SEMA5A: variants seen among roughly 807,000 people sequenced by gnomAD.
The protein encoded by SEMA5A is semaphorin 5A.
A neutral mutation model predicts 135.5 loss-of-function variants in SEMA5A; 55 were observed. The ratio of observed to expected loss-of-function variants is 0.41; its 90% CI spans 0.33 to 0.51. SEMA5A has a LOEUF of 0.51. Among genes scored for constraint, SEMA5A ranks in the 20% least tolerant of loss-of-function variants. The pLI, the probability that SEMA5A is intolerant of heterozygous loss-of-function variation, is 0.37. For synonymous variants in SEMA5A, 580 were observed against 546.5 expected, an observed-to-expected ratio of 1.06 and a Z score of -0.85; for missense variants, 1,290 against 1,419.9, an observed-to-expected ratio of 0.91 and a Z score of 1.47.
chr5:9,496,113 C>T (rs1226737784), intron 1 of SEMA5A, among the ~76,000 whole-genome samples: 3 of 152,168 alleles, frequency 2.0e-5, no homozygotes, highest in Non-Finnish European at 2.9e-5. Context: ...GGCATGATCT[C>T]GGCTCACTGT....
At chr5:9,259,729 A>G (rs1749298334) in intron 5 of SEMA5A, among the ~76,000 whole-genome samples, 1 of 128,052 alleles carries the variant, frequency 7.8e-6, no homozygotes, top group Non-Finnish European at 1.6e-5. Context: ...AATCTCTGGG[A>G]CGCATTCAAA....
chr5:9,324,836 C>T (rs553485197), intron 4 of SEMA5A, among the ~76,000 whole-genome samples: 2 of 152,260 alleles, frequency 1.3e-5, no homozygotes, highest in South Asian at 4.2e-4. Flanking sequence ...ATGAGAAAGG[C>T]CACCAGCCTT....
At chr5:9,181,970 T>C (rs1387595036) in intron 11 of SEMA5A, among the ~76,000 whole-genome samples, 2 of 151,590 alleles carry the variant, frequency 1.3e-5, no homozygotes, top group African/African-American at 4.9e-5. Context: ...CTCACCCCAA[T>C]CTCTCTGCAC....
chr5:9,075,627 G>T (rs887365396), intron 16 of SEMA5A, among the ~76,000 whole-genome samples: 1 of 151,398 alleles, frequency 6.6e-6, no homozygotes, highest in Non-Finnish European at 1.5e-5. Context: ...CTAATGCATA[G>T]AGACAGAAAG....
chr5:9,079,756 C>G (rs1201482621), intron 16 of SEMA5A, among the ~76,000 whole-genome samples: 2 of 152,008 alleles, frequency 1.3e-5, no homozygotes, highest in African/African-American at 4.8e-5. Flanking sequence ...AGATACTTCT[C>G]AAAAGAAGAC....
intron 8 of SEMA5A, among the ~76,000 whole-genome samples, chr5:9,219,976 T>C (rs748055616): frequency 2.0e-5 from 3 of 151,126 alleles, no homozygotes; most frequent in Non-Finnish European, 3.0e-5. Flanking sequence ...AATTTTGGAA[T>C]AGAAAAAAAA....
At chr5:9,148,666 C>T (rs1489847324) in intron 12 of SEMA5A, among the ~76,000 whole-genome samples, 1 of 152,124 alleles carries the variant, frequency 6.6e-6, no homozygotes, top group Non-Finnish European at 1.5e-5. Flanking sequence ...GAACGGGCTC[C>T]TGAGAGTACA....
At chr5:9,352,092 G>A (rs938247657) in intron 3 of SEMA5A, among the ~76,000 whole-genome samples, 5 of 66,588 alleles carry the variant, frequency 7.5e-5, no homozygotes, top group African/African-American at 1.7e-4. Context: ...AATGTAACAG[G>A]TCGGGGGGGT....
At chr5:9,117,694 G>A (rs919410622) in intron 15 of SEMA5A, among the ~76,000 whole-genome samples, 1 of 152,148 alleles carries the variant, frequency 6.6e-6, no homozygotes, top group Admixed American at 6.5e-5. Flanking sequence ...AGCATATTGG[G>A]TTTCAGATTT....
At chr5:9,394,997 A>G (rs1756326106) in intron 2 of SEMA5A, among the ~76,000 whole-genome samples, 1 of 152,314 alleles carries the variant, frequency 6.6e-6, no homozygotes, top group East Asian at 1.9e-4. Context: ...GTGCCAAGAA[A>G]ATTGTGGTTA....
intron 16 of SEMA5A, among the ~76,000 whole-genome samples, chr5:9,086,077 T>C (rs1010429603): frequency 1.3e-5 from 2 of 152,216 alleles, no homozygotes; most frequent in Non-Finnish European, 2.9e-5. Context: ...TGGCTGTATT[T>C]ATCAAATGTA....
At chr5:9,340,966 C>T (rs890038026) in intron 3 of SEMA5A, among the ~76,000 whole-genome samples, 2 of 152,134 alleles carry the variant, frequency 1.3e-5, no homozygotes, top group Non-Finnish European at 2.9e-5. Context: ...TCTCTTCTTT[C>T]CCCTTTAATC....
intron 1 of SEMA5A, among the ~76,000 whole-genome samples, chr5:9,535,582 A>G (rs1211773041): frequency 1.4e-5 from 1 of 71,122 alleles, no homozygotes; most frequent in Admixed American, 1.3e-4. Flanking sequence ...TAAAAAAAAA[A>G]TGCAGGGAGG....
At chr5:9,356,002 T>C (rs1754426353) in intron 3 of SEMA5A, among the ~76,000 whole-genome samples, 1 of 152,204 alleles carries the variant, frequency 6.6e-6, no homozygotes. Flanking sequence ...CCCTGATACA[T>C]AACCCATTTA....
chr5:9,072,538 G>C (rs1005193495), intron 16 of SEMA5A, among the ~76,000 whole-genome samples: 1 of 152,076 alleles, frequency 6.6e-6, no homozygotes, highest in African/African-American at 2.4e-5. Flanking sequence ...AGGGAACACT[G>C]TGTGTTACCC....
intron 4 of SEMA5A, among the ~76,000 whole-genome samples, chr5:9,331,346 CATTAA>C (rs1202677844): frequency 1.3e-5 from 2 of 152,134 alleles, no homozygotes; most frequent in East Asian, 3.9e-4. Context: ...AGAAGAAACT[CATTAA>C]ATAGAAGCCT....
chr5:9,193,123 T>C (rs757445), intron 10 of SEMA5A, among the ~76,000 whole-genome samples: 34,880 of 152,134 alleles, frequency 0.23, 5,613 homozygotes, highest in African/African-American at 0.43. Context: ...TTGCTGGCTA[T>C]AATATTCCAC....
At chr5:9,221,355 T>G (rs1034039277) in intron 8 of SEMA5A, among the ~76,000 whole-genome samples, 4 of 141,530 alleles carry the variant, frequency 2.8e-5, no homozygotes, top group South Asian at 4.5e-4. Flanking sequence ...CAGGCTGGAG[T>G]GCAGTGGCGC....
intron 5 of SEMA5A, among the ~76,000 whole-genome samples, chr5:9,278,284 GT>G (rs1750368534): frequency 6.6e-6 from 1 of 152,112 alleles, no homozygotes; most frequent in African/African-American, 2.4e-5. Flanking sequence ...ATTACTTAGG[GT>G]ATCTGGTGGA....
Sources: gnomAD v4.1 joint callset for allele counts (sites outside exome capture counted in the v4.1 genomes callset) on GRCh38, gnomAD v4.1.1 for gene constraint, MANE v1.5 for transcripts, NCBI Gene and HGNC (gene_info 2026-07-23, HGNC 2026-07-21) for gene names.